The following TC2N variants were observed in gnomAD, a reference collection of about 807,000 sequenced individuals.
TC2N encodes the protein tandem C2 domains nuclear protein.
Under a neutral mutation model 61.9 loss-of-function variants are expected in TC2N, and 51 were observed. That is an observed-to-expected ratio of 0.82 (90% CI 0.66 to 1.04). The LOEUF (loss-of-function observed/expected upper bound fraction) is 1.04, where lower values mean the gene tolerates loss of function less well. Among genes scored for constraint, TC2N ranks in the 50% least tolerant of loss-of-function variants. The pLI is 0.00. For synonymous variants in TC2N, 204 were observed against 192.6 expected (o/e 1.06, Z -0.49); for missense variants, 556 against 566.7 (o/e 0.98, Z 0.19).
chr14:91,866,873 C>T (rs1014901906), intron 1 of TC2N, among the ~76,000 whole-genome samples: 1 of 152,188 alleles, frequency 6.6e-6, no homozygotes, highest in Non-Finnish European at 1.5e-5. Context: ...TTTGGGGTTC[C>T]AGCAGCCTCT....
At chr14:91,856,912 G>C (rs1426337910) in intron 1 of TC2N, among the ~76,000 whole-genome samples, 5 of 152,210 alleles carry the variant, frequency 3.3e-5, no homozygotes, top group Non-Finnish European at 1.5e-5. Flanking sequence ...CAAAAGGCAA[G>C]GAGAGCCCCG....
intron 8 of TC2N, among the ~76,000 whole-genome samples, chr14:91,795,297 A>G (rs1280473815): frequency 1.3e-5 from 2 of 152,202 alleles, no homozygotes; most frequent in South Asian, 2.1e-4. Context: ...AAGCAACAGC[A>G]GGGTTTGAGA....
chr14:91,844,155 G>A (rs937144155), intron 1 of TC2N, among the ~76,000 whole-genome samples: 1 of 152,154 alleles, frequency 6.6e-6, no homozygotes, highest in African/African-American at 2.4e-5. Flanking sequence ...AGCACTCCAG[G>A]GAGGGGACAG....
chr14:91,862,668 C>G (rs183234433), intron 1 of TC2N, among the ~76,000 whole-genome samples: 3 of 152,218 alleles, frequency 2.0e-5, no homozygotes, highest in South Asian at 4.1e-4. Context: ...CTCCTCCCTG[C>G]GGCCTGCCCC....
At chr14:91,830,455 C>A (rs1887705746) in intron 1 of TC2N, among the ~76,000 whole-genome samples, 1 of 152,044 alleles carries the variant, frequency 6.6e-6, no homozygotes, top group South Asian at 2.1e-4. Flanking sequence ...CATAAAAGAC[C>A]ACATATTGTG....
chr14:91,836,854 C>T, intron 1 of TC2N, among the ~76,000 whole-genome samples: 1 of 152,156 alleles, frequency 6.6e-6, no homozygotes, highest in Non-Finnish European at 1.5e-5. Flanking sequence ...CCTGAGGAAA[C>T]TTCTCTGACT....
chr14:91,804,944 G>A (rs1485953895), intron 3 of TC2N, among the ~76,000 whole-genome samples: 7 of 152,088 alleles, frequency 4.6e-5, no homozygotes, highest in African/African-American at 7.2e-5. Flanking sequence ...ATTTTTCTAC[G>A]TGTATAATAT....
rs1278643046 is a variant in TC2N, at chr14:91,782,996, A to G, written c.*104T>C. ...ATATACCATAATTATAGCCCCCATA[A>G]ATTGACAAATTTGTTGATTTGCCTC... is the stretch of plus-strand genomic sequence containing the variant. On this transcript the variant is annotated 3_prime_UTR_variant, in exon 12 of 12. Transcript: ENST00000435962. The G allele has an allele frequency of 2.5e-5, 18 of 713,514 alleles. No individual in the cohort carries two copies. The highest frequency in any genetic ancestry group is 3.2e-5 in the Non-Finnish European group (13 of 408,842). 44.2% of individuals were successfully genotyped at this position (713,514 alleles called of 1,614,324 possible).
intron 8 of TC2N, among the ~76,000 whole-genome samples, chr14:91,796,262 A>G (rs568240725): frequency 2.6e-5 from 4 of 152,176 alleles, no homozygotes; most frequent in African/African-American, 7.2e-5. Context: ...ATATACATAT[A>G]CACATACATA....
At chr14:91,819,194 G>A (rs1010120285) in intron 1 of TC2N, among the ~76,000 whole-genome samples, 1 of 152,112 alleles carries the variant, frequency 6.6e-6, no homozygotes, top group African/African-American at 2.4e-5. Flanking sequence ...GTTGAGCATG[G>A]TGGTGTGTGC....
intron 1 of TC2N, among the ~76,000 whole-genome samples, chr14:91,832,314 C>T (rs1480950124): frequency 2.7e-5 from 4 of 149,792 alleles, no homozygotes; most frequent in Admixed American, 2.0e-4. Context: ...CGCTTGAACC[C>T]GGGAGGCAGA....
chr14:91,843,333 G>GGA (rs1888200529), intron 1 of TC2N, among the ~76,000 whole-genome samples: 1 of 151,996 alleles, frequency 6.6e-6, no homozygotes, highest in Non-Finnish European at 1.5e-5. Flanking sequence ...ACCCCATCAT[G>GGA]ACCCCAGAGT....
intron 1 of TC2N, among the ~76,000 whole-genome samples, chr14:91,836,923 G>A (rs1458806351): frequency 1.3e-5 from 2 of 152,234 alleles, no homozygotes; most frequent in Non-Finnish European, 2.9e-5. Context: ...TAGAAGCGGA[G>A]TAGTCATGTT....
intron 1 of TC2N, among the ~76,000 whole-genome samples, chr14:91,824,683 G>A (rs1887412659): frequency 1.3e-5 from 2 of 152,222 alleles, no homozygotes; most frequent in African/African-American, 4.8e-5. Context: ...ACAGAGGAGG[G>A]AGATAAACAG....
At chr14:91,843,703 T>C (rs1348460141) in intron 1 of TC2N, among the ~76,000 whole-genome samples, 1 of 152,234 alleles carries the variant, frequency 6.6e-6, no homozygotes, top group Non-Finnish European at 1.5e-5. Flanking sequence ...CTCATCTGTT[T>C]TTAAACCCAC....
At chr14:91,801,319 T>C (rs1053768326) in intron 4 of TC2N, among the ~76,000 whole-genome samples, 4 of 152,120 alleles carry the variant, frequency 2.6e-5, no homozygotes, top group Non-Finnish European at 5.9e-5. Context: ...CAAATAGCTG[T>C]TGAAGAGTTT....
intron 1 of TC2N, among the ~76,000 whole-genome samples, chr14:91,817,689 T>A (rs1887066160): frequency 1.3e-5 from 2 of 152,086 alleles, no homozygotes; most frequent in African/African-American, 4.8e-5. Context: ...ATATTTAACA[T>A]TAACCATGAC....
Position 91,780,477 on chromosome 14 carries a change from T to G in TC2N, c.*2623A>C, listed in dbSNP as rs931410717. The G allele has an allele frequency of 1.3e-5, 2 of 152,230 alleles. No individual in the cohort carries two copies. Among genetic ancestry groups the G allele is most frequent in the Non-Finnish European group, 2.9e-5 (2 of 68,028 alleles). The allele number at this position is 152,230 out of a possible 1,614,324, so 9.4% of individuals were successfully genotyped here. On this transcript the variant is annotated 3_prime_UTR_variant, in exon 12 of 12. Coordinates refer to ENST00000435962, the MANE Select transcript of TC2N (RefSeq NM_001128596.3). Reference sequence around the variant, plus strand: ...TGATATACTTCAGAGGCCATTTCCCTAGGAGTACTGCTTTTAAAAATCATG... The same window carrying G: ...TGATATACTTCAGAGGCCATTTCCCGAGGAGTACTGCTTTTAAAAATCATG...
chr14:91,785,445 T>C, intron 10 of TC2N, 84 bp from the exon 11 acceptor site: 1 of 915,980 alleles, frequency 1.1e-6, no homozygotes, highest in South Asian at 1.6e-5. Context: ...AGTTGGAATA[T>C]ATATATATAA....
Sources: allele counts gnomAD v4.1 joint callset (sites outside exome capture counted in the v4.1 genomes callset), GRCh38; gene constraint gnomAD v4.1.1; transcripts MANE v1.5; gene names NCBI Gene and HGNC (gene_info 2026-07-23, HGNC 2026-07-21).